Variants in VKORC1L1 observed in about 807,000 individuals in gnomAD.
VKORC1L1 encodes the protein vitamin K epoxide reductase complex subunit 1-like protein 1.
VKORC1L1 carries 2 observed loss-of-function variants against 18.9 expected under a neutral mutation model. The observed-to-expected ratio is 0.11, with a 90% CI of 0.04 to 0.33. VKORC1L1 has a LOEUF of 0.33. Among genes scored for constraint, VKORC1L1 ranks in the 10% least tolerant of loss-of-function variants. VKORC1L1 has a pLI of 1.00. For missense variants in VKORC1L1, 123 were observed against 224.1 expected (o/e 0.55, Z 2.88); for synonymous variants, 96 against 100.0 (o/e 0.96, Z 0.24).
intron 1 of VKORC1L1, among the ~76,000 whole-genome samples, chr7:65,923,416 A>AT (rs1428135936): frequency 6.6e-6 from 1 of 152,080 alleles, no homozygotes; most frequent in Non-Finnish European, 1.5e-5. Flanking sequence ...GAAAAAAAAA[A>AT]AGATGATAGT....
rs538912415 is a variant in VKORC1L1, at chr7:65,873,350, C to A, written c.-22C>A. 9.1e-6 allele frequency: 12 copies of A among 1,314,762 alleles called. No individual in the cohort carries two copies. Among genetic ancestry groups the A allele is most frequent in the Admixed American group, 4.9e-5 (2 of 40,414 alleles). 81.4% of individuals were successfully genotyped at this position (1,314,762 alleles called of 1,614,324 possible). A position where few individuals can be genotyped will look rare whatever the true frequency, so the allele number is the denominator to read the frequency against. On this transcript the variant is annotated 5_prime_UTR_variant, in exon 1 of 3. Transcript: ENST00000360768. The stretch of plus-strand genomic sequence containing the variant: ...CGGCTGAGGTGGAGGCGGAGGGAGG[C>A]GGCGGCGGCGGCGGCGGGAAGATGG...
At chr7:65,920,909 AAG>A (rs1223048039) in intron 1 of VKORC1L1, among the ~76,000 whole-genome samples, 6 of 120,400 alleles carry the variant, frequency 5.0e-5, no homozygotes, top group Non-Finnish European at 7.3e-5. Context: ...AGGAAAGAGA[AAG>A]AGAAAAAGGA....
intron 2 of VKORC1L1, among the ~76,000 whole-genome samples, chr7:65,951,193 C>G (rs1027659555): frequency 2.0e-5 from 3 of 152,182 alleles, no homozygotes; most frequent in African/African-American, 4.8e-5. Flanking sequence ...ATTTCCAGAG[C>G]ACAGCATCTG....
intron 1 of VKORC1L1, among the ~76,000 whole-genome samples, chr7:65,896,546 T>G (rs1300326245): frequency 8.5e-6 from 1 of 117,846 alleles, no homozygotes; most frequent in African/African-American, 3.2e-5. Flanking sequence ...CTCCCTCCCT[T>G]CCTCCCTCCT....
chr7:65,954,153 C>T lies in VKORC1L1; in HGVS notation c.384C>T (p.Ala128=). The part of the protein sequence containing the change: ...IMSVVGSLYL[A]YILYFVLKEF... ...CGGTCGTGGGGTCCCTGTACCTGGC[C>T]TACATTCTGTACTTTGTGCTGAAGG... is the stretch of plus-strand genomic sequence containing the variant. The change falls in exon 3 of 3, where the codon GCC becomes GCT. Residue 128 remains alanine (A), a synonymous_variant. Coordinates refer to ENST00000360768, the MANE Select transcript of VKORC1L1 (RefSeq NM_173517.6). 6.2e-7 allele frequency: 1 copy of T among 1,613,780 alleles called. No individual in the cohort carries two copies. Among genetic ancestry groups the T allele is most frequent in the Non-Finnish European group, 8.5e-7 (1 of 1,179,710 alleles).
intron 1 of VKORC1L1, among the ~76,000 whole-genome samples, chr7:65,877,350 CTT>C (rs796646643): frequency 4.0e-4 from 58 of 143,748 alleles, no homozygotes; most frequent in Admixed American, 4.9e-4. Context: ...GCAGAATATT[CTT>C]TTTTTTTTTT....
At chr7:65,909,129 A>G (rs1225566993) in intron 1 of VKORC1L1, among the ~76,000 whole-genome samples, 1 of 129,254 alleles carries the variant, frequency 7.7e-6, no homozygotes, top group Non-Finnish European at 1.6e-5. Flanking sequence ...GGCGTGAGCC[A>G]CCACGCCCAG....
chr7:65,903,366 C>T (rs1789351330), intron 1 of VKORC1L1, among the ~76,000 whole-genome samples: 1 of 151,832 alleles, frequency 6.6e-6, no homozygotes, highest in South Asian at 2.1e-4. Flanking sequence ...AAGGTTTCAC[C>T]ATGTTGGCCA....
chr7:65,910,438 A>G lies in VKORC1L1; in HGVS notation c.194+36873A>G, dbSNP rs190527198. Among the ~76,000 whole-genome samples the G allele has an allele frequency of 1.5e-3, 235 of 152,314 alleles. 1 individual carries two copies. Among genetic ancestry groups the G allele is most frequent in the African/African-American group, 5.5e-3 (228 of 41,572 alleles). On this transcript the variant is annotated intron_variant, in intron 1 of 2. Coordinates refer to ENST00000360768, the MANE Select transcript of VKORC1L1 (RefSeq NM_173517.6). Reference sequence around the variant, plus strand: ...GCTGCTTAATCTGGGGAACTACTCCAGAATGTTTTCTTGTCATTGCAGCTG... The same window carrying G: ...GCTGCTTAATCTGGGGAACTACTCCGGAATGTTTTCTTGTCATTGCAGCTG...
At chr7:65,941,289 T>C (rs1384563776) in intron 1 of VKORC1L1, among the ~76,000 whole-genome samples, 5 of 151,908 alleles carry the variant, frequency 3.3e-5, no homozygotes, top group African/African-American at 1.2e-4. Flanking sequence ...TCTTTCTTCT[T>C]TTTTTAGGTA....
intron 1 of VKORC1L1, among the ~76,000 whole-genome samples, chr7:65,907,239 G>A (rs554796317): frequency 1.1e-4 from 17 of 152,132 alleles, no homozygotes; most frequent in African/African-American, 3.6e-4. Flanking sequence ...TCAGGAGTTC[G>A]AGACCAGCCT....
At chr7:65,910,074 A>G (rs1379966785) in intron 1 of VKORC1L1, among the ~76,000 whole-genome samples, 1 of 152,028 alleles carries the variant, frequency 6.6e-6, no homozygotes, top group African/African-American at 2.4e-5. Context: ...CCTTCCTCGT[A>G]AGGAAGTATT....
chr7:65,875,682 G>C (rs1788816042), intron 1 of VKORC1L1, among the ~76,000 whole-genome samples: 1 of 152,168 alleles, frequency 6.6e-6, no homozygotes, highest in Admixed American at 6.5e-5. Flanking sequence ...CTCCCAAAGT[G>C]CTGGGATTAC....
chr7:65,882,151 G>A (rs1272684334), intron 1 of VKORC1L1, among the ~76,000 whole-genome samples: 4 of 151,906 alleles, frequency 2.6e-5, no homozygotes, highest in Admixed American at 6.6e-5. Flanking sequence ...AGACTGAGGC[G>A]GGTGGATCAC....
At chr7:65,917,852 T>C (rs149021452) in intron 1 of VKORC1L1, among the ~76,000 whole-genome samples, 1 of 152,318 alleles carries the variant, frequency 6.6e-6, no homozygotes, top group African/African-American at 2.4e-5. Context: ...TTAATGAACA[T>C]GTACGCCTAA....
intron 1 of VKORC1L1, among the ~76,000 whole-genome samples, chr7:65,899,530 A>G (rs1419688568): frequency 6.6e-6 from 1 of 152,220 alleles, no homozygotes; most frequent in Admixed American, 6.5e-5. Context: ...ACGTGGAAAC[A>G]GAAGGACAAA....
intron 2 of VKORC1L1, among the ~76,000 whole-genome samples, chr7:65,949,883 A>T (rs1178461836): frequency 6.6e-6 from 1 of 152,214 alleles, no homozygotes; most frequent in African/African-American, 2.4e-5. Context: ...CTTCCAAATA[A>T]TGCTGCAGTG....
chr7:65,924,495 A>G (rs908890162), intron 1 of VKORC1L1, among the ~76,000 whole-genome samples: 1 of 152,250 alleles, frequency 6.6e-6, no homozygotes, highest in Admixed American at 6.5e-5. Flanking sequence ...AACTAACTAC[A>G]TGACTATTCT....
intron 2 of VKORC1L1, among the ~76,000 whole-genome samples, chr7:65,953,090 C>A (rs1004785588): frequency 6.6e-6 from 1 of 151,922 alleles, no homozygotes. Flanking sequence ...AGCCACTGTG[C>A]GTGGCTTCAG....
Sources: allele counts gnomAD v4.1 joint callset (sites outside exome capture counted in the v4.1 genomes callset), GRCh38; gene constraint gnomAD v4.1.1; transcripts MANE v1.5; gene names NCBI Gene and HGNC (gene_info 2026-07-23, HGNC 2026-07-21).